Variants in CACNA1A observed in about 807,000 individuals in gnomAD.
CACNA1A encodes voltage-dependent P/Q-type calcium channel subunit alpha-1A.
CACNA1A carries 57 observed loss-of-function variants against 262.4 expected under a neutral mutation model. The observed-to-expected ratio is 0.22, with a 90% confidence interval of 0.18 to 0.27. The LOEUF is 0.27. Ranked by LOEUF, CACNA1A falls within the 10% of genes least tolerant of loss-of-function variation. The pLI is 1.00. For synonymous variants in CACNA1A, 1,431 were observed against 1,419.3 expected (o/e 1.01, Z -0.18); for missense variants, 2,526 against 3,562.8 (o/e 0.71, Z 7.41).
Position 13,217,727 on chromosome 19 carries a change from C to T in CACNA1A, c.5732-3119G>A, listed in dbSNP as rs193035178. ...CTTTGAAACCCTCAGGAAGGGAATC[C>T]AGTAGGTGTCATAGAAGCTGGGGTG... On this transcript the variant is annotated intron_variant, in intron 38 of 46. Transcript: ENST00000360228. Among the ~76,000 whole-genome samples, 4 of 152,188 alleles carry T rather than the reference C, an allele frequency of 2.6e-5. No individual in the cohort carries two copies. In the East Asian group the frequency reaches 5.8e-4, roughly 22 times the overall value.
intron 4 of CACNA1A, among the ~76,000 whole-genome samples, chr19:13,367,841 C>T (rs181724162): frequency 1.2e-3 from 187 of 152,276 alleles, no homozygotes; most frequent in African/African-American, 4.3e-3. Context: ...TCAGGGACCC[C>T]ATGCAAGCTC....
intron 18 of CACNA1A, 85 bp from the exon 19 acceptor site, chr19:13,299,438 A>C: frequency 9.2e-7 from 1 of 1,085,916 alleles, no homozygotes; most frequent in Non-Finnish European, 1.4e-6. Context: ...CCCACATCTC[A>C]GCCTCCCACT....
chr19:13,500,491 C>G (rs888696918), intron 1 of CACNA1A, among the ~76,000 whole-genome samples: 2 of 152,202 alleles, frequency 1.3e-5, no homozygotes, highest in African/African-American at 4.8e-5. Context: ...TACTTCCACT[C>G]CTTTCCATAG....
intron 3 of CACNA1A, among the ~76,000 whole-genome samples, chr19:13,439,658 G>T (rs866179325): frequency 1.3e-5 from 2 of 151,734 alleles, no homozygotes; most frequent in African/African-American, 4.9e-5. Flanking sequence ...TGATCTGCCC[G>T]CCTCGGCCTC....
chr19:13,263,786 G>T (rs2056797355), intron 24 of CACNA1A, among the ~76,000 whole-genome samples: 1 of 152,136 alleles, frequency 6.6e-6, no homozygotes, highest in Non-Finnish European at 1.5e-5. Flanking sequence ...CTCCCAAAGT[G>T]TTGGGATTAC....
chr19:13,292,118 T>C (rs2057553403), intron 19 of CACNA1A, among the ~76,000 whole-genome samples: 1 of 152,186 alleles, frequency 6.6e-6, no homozygotes, highest in South Asian at 2.1e-4. Context: ...AGATTTTTAC[T>C]GACAGTCTGG....
chr19:13,241,593 AT>A lies in CACNA1A; in HGVS notation c.4950+3588del. On this transcript the variant is annotated intron_variant, in intron 31 of 46. Coordinates refer to ENST00000360228, the MANE Select transcript of CACNA1A (RefSeq NM_001127222.2). The surrounding 1 kb of genome is among the most constrained non-coding windows in gnomAD (Gnocchi z 4.0). ...GGGCAGTTGGGGAGGCGTGTTCAGCATTTTTTAGGTTGATTTGTAACCAGTG... is the reference window on the plus strand; with the variant it reads ...GGGCAGTTGGGGAGGCGTGTTCAGCATTTTTAGGTTGATTTGTAACCAGTG... 2.1e-6 allele frequency: 2 copies of A among 936,558 alleles called. No individual in the cohort carries two copies. Among genetic ancestry groups the A allele is most frequent in the Non-Finnish European group, 3.3e-6 (2 of 614,500 alleles). The allele number at this position is 936,558 out of a possible 1,614,324, so 58.0% of individuals were successfully genotyped here.
Position 13,506,213 on chromosome 19 carries a change from G to A in CACNA1A, c.12C>T (p.Phe4=), listed in dbSNP as rs1983020818. Residue 4 remains phenylalanine, a synonymous_variant, in exon 1 of 47, where the codon TTC becomes TTT. Transcript: ENST00000360228. ...CGTAGCGGGCCGGCATCTCGTCTCC[G>A]AAGCGGGCCATTCTGCAAAGAGCAA... is the stretch of plus-strand genomic sequence containing the variant. MAR[F]GDEMPARYGG... is the part of the protein sequence containing the mutation. The A allele has an allele frequency of 6.7e-7, 1 of 1,485,798 alleles. No individual in the cohort carries two copies. Among genetic ancestry groups the A allele is most frequent in the Middle Eastern group, 1.9e-4 (1 of 5,344 alleles). The allele number at this position is 1,485,798 out of a possible 1,614,324, so 92.0% of individuals were successfully genotyped here.
At chr19:13,342,345 TTCTCA>T (rs2058689165) in intron 6 of CACNA1A, among the ~76,000 whole-genome samples, 1 of 152,200 alleles carries the variant, frequency 6.6e-6, no homozygotes. Context: ...CTTCTCCTGG[TTCTCA>T]TCTCTTCTTT....
chr19:13,255,942 CCTTT>C (rs1416864285), intron 28 of CACNA1A, among the ~76,000 whole-genome samples: 3 of 146,178 alleles, frequency 2.1e-5, no homozygotes, highest in Admixed American at 6.9e-5. Context: ...TTCCCTCCCT[CCTTT>C]CTTTCTCTCT....
chr19:13,455,887 A>G (rs77518460), intron 1 of CACNA1A, among the ~76,000 whole-genome samples: 7 of 150,740 alleles, frequency 4.6e-5, no homozygotes, highest in African/African-American at 4.9e-5. Context: ...AAAAAAAAAA[A>G]AGAGATAAAT....
chr19:13,276,072 C>T (rs1190831156), intron 23 of CACNA1A, 116 bp from the exon 24 acceptor site: 1 of 656,296 alleles, frequency 1.5e-6, no homozygotes, highest in Non-Finnish European at 2.7e-6. Context: ...GCCACCTCAT[C>T]TTGCAGGGAT....
At chr19:13,281,917 A>G (rs2144864042) in intron 22 of CACNA1A, among the ~76,000 whole-genome samples, 1 of 152,224 alleles carries the variant, frequency 6.6e-6, no homozygotes, top group Admixed American at 6.5e-5. Context: ...TGCCCCCTGG[A>G]TCATCCATGC....
chr19:13,464,609 T>C (rs933747254), intron 1 of CACNA1A, among the ~76,000 whole-genome samples: 12 of 149,864 alleles, frequency 8.0e-5, no homozygotes, highest in African/African-American at 2.5e-4. Flanking sequence ...ACTGCAGTGG[T>C]GCTATCTCGG....
intron 29 of CACNA1A, among the ~76,000 whole-genome samples, chr19:13,253,886 T>G (rs1361945386): frequency 6.6e-6 from 1 of 151,994 alleles, no homozygotes; most frequent in African/African-American, 2.4e-5. Flanking sequence ...ATTATAGGCA[T>G]GCGCCACCAC....
chr19:13,333,403 G>A (rs2058499683), intron 8 of CACNA1A, among the ~76,000 whole-genome samples: 1 of 151,510 alleles, frequency 6.6e-6, no homozygotes, highest in Admixed American at 6.6e-5. Flanking sequence ...CCTTAGAGAA[G>A]CCTTCCCTGA....
Position 13,482,848 on chromosome 19 carries a change from T to TTGTGTGTGTG in CACNA1A, c.293+23074_293+23083dup, listed in dbSNP as rs34754803. Among the ~76,000 whole-genome samples, 268 of 134,008 alleles carry TTGTGTGTGTG rather than the reference T, an allele frequency of 2.0e-3. 1 individual carries two copies. Among genetic ancestry groups the TTGTGTGTGTG allele is most frequent in the Middle Eastern group, 3.7e-3 (1 of 270 alleles). The allele number at this position is 134,008 out of a possible 152,430, so 87.9% of individuals were successfully genotyped here. A position where few individuals can be genotyped will look rare whatever the true frequency, so the allele number is the denominator to read the frequency against. ...TCTCTCCCCCCTTCTTTCTCTCAAC[T>TTGTGTGTGTG]TGTGTGTGTGTGTGTGTGTGTGTGT... On this transcript the variant is annotated intron_variant, in intron 1 of 46. Transcript: ENST00000360228.
At chr19:13,310,468 A>AT (rs2058000076) in intron 12 of CACNA1A, among the ~76,000 whole-genome samples, 1 of 38,322 alleles carries the variant, frequency 2.6e-5, no homozygotes, top group African/African-American at 1.6e-4. Flanking sequence ...AAAAAAAAAA[A>AT]AAAAAAAAAA....
chr19:13,212,840 A>G lies in CACNA1A; in HGVS notation c.5941-100T>C. On this transcript the variant is annotated intron_variant, in intron 40 of 46. Coordinates refer to ENST00000360228, the MANE Select transcript of CACNA1A (RefSeq NM_001127222.2). This position sits in a 1 kb window ranked among gnomAD's most constrained non-coding sequence, Gnocchi z 5.6. ...ACATCCCCAGTATACACACACACAC[A>G]CACACACACTCTCTCAGGTCTCATC... The G allele has an allele frequency of 1.7e-6, 1 of 580,856 alleles. No homozygotes were observed. The highest frequency in any genetic ancestry group is 2.9e-5 in the East Asian group (1 of 34,666). 36.0% of individuals were successfully genotyped at this position (580,856 alleles called of 1,614,324 possible). A position where few individuals can be genotyped will look rare whatever the true frequency, so the allele number is the denominator to read the frequency against.
Sources: gnomAD v4.1 joint callset for allele counts (sites outside exome capture counted in the v4.1 genomes callset) on GRCh38, gnomAD v4.1.1 for gene constraint, Gnocchi (gnomAD v3.1) non-coding constraint, MANE v1.5 for transcripts, NCBI Gene and HGNC (gene_info 2026-07-23, HGNC 2026-07-21) for gene names.